Variants in F5 observed in about 807,000 individuals in gnomAD.
F5 encodes coagulation factor V.
F5 carries 138 observed loss-of-function variants against 216.4 expected under a neutral mutation model. That is an observed-to-expected ratio of 0.64 (90% CI 0.56 to 0.73). F5 has a LOEUF of 0.73. Among genes scored for constraint, F5 ranks in the 30% least tolerant of loss-of-function variants. The pLI is 0.00. For synonymous variants in F5, 916 were observed against 930.7 expected, an observed-to-expected ratio of 0.98 and a Z score of 0.29; for missense variants, 2,403 against 2,674.0, an observed-to-expected ratio of 0.90 and a Z score of 2.24.
At chr1:169,565,839 C>T (rs1188551837) in intron 3 of F5, among the ~76,000 whole-genome samples, 1 of 152,078 alleles carries the variant, frequency 6.6e-6, no homozygotes, top group African/African-American at 2.4e-5. Flanking sequence ...TCCCCCAACA[C>T]ACCCCAAAGG....
rs1019185725 is a variant in F5, at chr1:169,527,396, T to C, written c.5599+519A>G. On this transcript the variant is annotated intron_variant, in intron 17 of 24. Transcript: ENST00000367797. Reference sequence around the variant, plus strand: ...TATCTTTATTTTGCACATGAAAAGTTCTAAATACCTTTGTTATTCTTTAAC... The same window carrying C: ...TATCTTTATTTTGCACATGAAAAGTCCTAAATACCTTTGTTATTCTTTAAC... 6.6e-5 allele frequency among the ~76,000 whole-genome samples: 10 copies of C among 152,328 alleles called. No individual in the cohort carries two copies. The South Asian group carries it at 8.3e-4, about 13-fold the overall frequency.
chr1:169,518,552 G>T lies in F5; in HGVS notation c.6205C>A (p.Pro2069Thr), dbSNP rs564167068. 9.3e-6 allele frequency: 15 copies of T among 1,613,748 alleles called. No homozygotes were observed. The African/African-American group carries it at 9.3e-5, about 10-fold the overall frequency. ...QGCEVNGCST[P>T]LGMENGKIEN... ...ATCTTTCCATTTTCCATACCCAGGG[G>T]TGTGGAACATCCTATCAAAAGAAAA... The change falls in exon 23 of 25, where the codon CCC becomes ACC. Residue 2069 changes from proline to threonine, a missense_variant. By Grantham distance (38) the Pro-to-Thr change is conservative (BLOSUM62 -1). Around this residue, in one of 4 missense-constraint regions of F5, gnomAD observed 659 missense variants for 787.9 expected, o/e 0.84. Coordinates refer to ENST00000367797, the MANE Select transcript of F5 (RefSeq NM_000130.5).
rs945375132 is a variant in F5 at position 169,559,002 on chromosome 1, G to A, written c.730+151C>T. ...TTCTAATTTGTCTCTTCTATTTCCTGTTTAAAAAAAAAAAGAGAAAATATT... is the reference window on the plus strand; with the variant it reads ...TTCTAATTTGTCTCTTCTATTTCCTATTTAAAAAAAAAAAGAGAAAATATT... On this transcript the variant is annotated intron_variant, in intron 5 of 24. Coordinates refer to ENST00000367797, the MANE Select transcript of F5 (RefSeq NM_000130.5). 5.4e-4 allele frequency: 402 copies of A among 747,352 alleles called. 2 individuals carry two copies. Among genetic ancestry groups the A allele is most frequent in the Non-Finnish European group, 6.2e-4 (302 of 489,394 alleles). 46.3% of individuals were successfully genotyped at this position (747,352 alleles called of 1,614,324 possible).
chr1:169,556,781 C>T lies in F5; in HGVS notation c.817G>A (p.Gly273Ser), dbSNP rs1328429966. 2.2e-5 allele frequency: 35 copies of T among 1,613,902 alleles called. No homozygotes were observed. Among genetic ancestry groups the T allele is most frequent in the Non-Finnish European group, 3.0e-5 (35 of 1,180,000 alleles). The change falls in exon 6 of 25, where the codon GGC (glycine) becomes AGC (serine). Residue 273 changes from glycine to serine, a missense_variant. By Grantham distance (56) the Gly-to-Ser change is moderately conservative (BLOSUM62 0). This residue lies in a region of F5 where 1,425 missense variants were observed against 1,554.8 expected (regional missense o/e 0.92). Coordinates refer to ENST00000367797, the MANE Select transcript of F5 (RefSeq NM_000130.5). ...GPELFSIHFNGQVLEQNHHKV... is the reference protein window; with the variant it reads ...GPELFSIHFNSQVLEQNHHKV... ...TGATGGTTCTGCTCCAGGACCTGGCCGTTGAAATGAATGGAGAATAATTCT... is the reference window on the plus strand; with the variant it reads ...TGATGGTTCTGCTCCAGGACCTGGCTGTTGAAATGAATGGAGAATAATTCT...
At position 169,530,918 on chromosome 1, in the gene F5, T is replaced by C. The variant is rs1026769670; in HGVS notation, c.5076A>G (p.Glu1692=). Residue 1692 remains glutamate, a synonymous_variant, in exon 15 of 25, where the codon GAA becomes GAG. Coordinates refer to ENST00000367797, the MANE Select transcript of F5 (RefSeq NM_000130.5). ...EGKTYEDDSP[E]WFKEDNAVQP... is the part of the protein sequence containing the mutation. ...GAACAGCATTATCTTCCTTAAACCA[T>C]TCAGGAGAGTCATCTTCATAAGTCT... 8 of 1,613,832 alleles carry C rather than the reference T, an allele frequency of 5.0e-6. No individual in the cohort carries two copies. The highest frequency in any genetic ancestry group is 1.7e-5 in the Admixed American group (1 of 59,972).
chr1:169,572,440 G>A (rs1310896201), intron 2 of F5, 97 bp from the exon 3 acceptor site: 3 of 1,446,232 alleles, frequency 2.1e-6, no homozygotes, highest in Admixed American at 1.7e-5. Flanking sequence ...AAGAGTGATT[G>A]CTACCATTCC....
rs1659091324 is a variant in F5 at position 169,513,851 on chromosome 1, C to T, written c.*462G>A. 6.6e-6 allele frequency among the ~76,000 whole-genome samples: 1 copy of T among 151,996 alleles called. No individual in the cohort carries two copies. The highest frequency in any genetic ancestry group is 1.5e-5 in the Non-Finnish European group (1 of 67,986). On this transcript the variant is annotated 3_prime_UTR_variant, in exon 25 of 25. Transcript: ENST00000367797. ...TGGGAAAGACAGGATATTTTAAGTA[C>T]TTATTTCATTTGATAATATTGTTTT... is the stretch of plus-strand genomic sequence containing the variant.
chr1:169,568,902 CTT>C (rs1420526832), intron 3 of F5, among the ~76,000 whole-genome samples: 1 of 152,076 alleles, frequency 6.6e-6, no homozygotes, highest in Non-Finnish European at 1.5e-5. Context: ...GTGAACAACT[CTT>C]TTCCTCTCCT....
intron 10 of F5, among the ~76,000 whole-genome samples, chr1:169,548,916 C>T (rs933569302): frequency 7.3e-5 from 11 of 151,430 alleles, no homozygotes; most frequent in Non-Finnish European, 1.5e-4. Context: ...AATCTCATTT[C>T]GCTATGGCAG....
Position 169,530,925 on chromosome 1 carries a change from G to C in F5, c.5069C>G (p.Ser1690Cys). 6 of 1,613,710 alleles carry C rather than the reference G, an allele frequency of 3.7e-6. 1 individual carries two copies. The South Asian group carries it at 5.5e-5, about 15-fold the overall frequency. The change falls in exon 15 of 25, where the codon TCT becomes TGT. Residue 1690 changes from serine (S) to cysteine (C), a missense_variant. Physicochemically the swap from Ser to Cys is moderately radical, Grantham distance 112 (BLOSUM62 -1). Coordinates refer to ENST00000367797, the MANE Select transcript of F5 (RefSeq NM_000130.5). ...SSEGKTYEDD[S>C]PEWFKEDNAV... Reference sequence around the variant, plus strand: ...ATTATCTTCCTTAAACCATTCAGGAGAGTCATCTTCATAAGTCTTTCCCTC... The same window carrying C: ...ATTATCTTCCTTAAACCATTCAGGACAGTCATCTTCATAAGTCTTTCCCTC...
rs770031746 is a variant in F5, at chr1:169,513,084, T to C, written c.*1229A>G. 2.6e-5 allele frequency among the ~76,000 whole-genome samples: 4 copies of C among 152,052 alleles called. No individual in the cohort carries two copies. The highest frequency in any genetic ancestry group is 4.8e-5 in the African/African-American group (2 of 41,400). Reference sequence around the variant, plus strand: ...ATGTAGTTGTGTGGTTTCGAGTGAGTTTCTTAGTCCTCAGTTCTAATTTGA... The same window carrying C: ...ATGTAGTTGTGTGGTTTCGAGTGAGCTTCTTAGTCCTCAGTTCTAATTTGA... On this transcript the variant is annotated 3_prime_UTR_variant, in exon 25 of 25. Transcript: ENST00000367797.
chr1:169,515,753 C>A (rs1659142999), intron 23 of F5, 127 bp from the exon 24 acceptor site: 3 of 894,972 alleles, frequency 3.4e-6, no homozygotes, highest in Non-Finnish European at 5.3e-6. Context: ...TTAGGATTCA[C>A]AGTCTCCTAG....
chr1:169,532,399 T>TA (rs1659611021), intron 14 of F5, among the ~76,000 whole-genome samples: 1 of 152,058 alleles, frequency 6.6e-6, no homozygotes, highest in South Asian at 2.1e-4. Context: ...GAAAAGAAGT[T>TA]AAAGTATCTC....
Position 169,529,786 on chromosome 1 carries a change from G to C in F5, c.5241C>G (p.Pro1747=). 1.2e-6 allele frequency: 2 copies of C among 1,613,538 alleles called. No homozygotes were observed. The highest frequency in any genetic ancestry group is 1.7e-6 in the Non-Finnish European group (2 of 1,179,646). ...EKDIHSGLIG[P]LLICQKGILH... ...GTATTCCTTTTTGGCAGATTAGGAG[G>C]GGACCTATCAAGCCTGAGTGAATAT... The change falls in exon 16 of 25, where the codon CCC becomes CCG. Residue 1747 remains proline, a synonymous_variant. Transcript: ENST00000367797.
Position 169,529,703 on chromosome 1 carries a change from G to C in F5, c.5324C>G (p.Thr1775Ser). 6.2e-7 allele frequency: 1 copy of C among 1,613,762 alleles called. No homozygotes were observed. Among genetic ancestry groups the C allele is most frequent in the Non-Finnish European group, 8.5e-7 (1 of 1,179,782 alleles). Residue 1775 changes from threonine (T) to serine (S), a missense_variant, in exon 16 of 25, where the codon ACC becomes AGC. Thr to Ser is a moderately conservative substitution (Grantham distance 58). This residue lies in a region of F5 where 659 missense variants were observed against 787.9 expected (regional missense o/e 0.84). Coordinates refer to ENST00000367797, the MANE Select transcript of F5 (RefSeq NM_000130.5). The stretch of plus-strand genomic sequence containing the variant: ...GTACCAGCTCTTCTTTTCATCAAAG[G>C]TCATAAATAGTAAGACAAATTCTCT... ...DMREFVLLFM[T>S]FDEKKSWYYE...
intron 2 of F5, among the ~76,000 whole-genome samples, chr1:169,573,454 C>T (rs998545652): frequency 6.6e-6 from 1 of 152,092 alleles, no homozygotes; most frequent in African/African-American, 2.4e-5. Context: ...GCACATGTAG[C>T]AGAACGTGAT....
intron 18 of F5, among the ~76,000 whole-genome samples, 153 bp from the exon 19 acceptor site, chr1:169,525,061 A>G (rs886296851): frequency 1.3e-5 from 2 of 152,216 alleles, no homozygotes; most frequent in Non-Finnish European, 2.9e-5. Context: ...TGATTATAAA[A>G]TGGTAAATGC....
intron 3 of F5, among the ~76,000 whole-genome samples, chr1:169,568,890 T>C (rs1470950098): frequency 6.6e-6 from 1 of 152,114 alleles, no homozygotes; most frequent in Non-Finnish European, 1.5e-5. Context: ...TTACTTATTT[T>C]TGTGAACAAC....
intron 21 of F5, 103 bp from the exon 22 acceptor site, chr1:169,520,767 G>T: frequency 1.1e-6 from 1 of 950,570 alleles, no homozygotes; most frequent in Non-Finnish European, 1.6e-6. Context: ...CATTTTCATG[G>T]GGTCCAAACT....
Sources: allele counts gnomAD v4.1 joint callset (sites outside exome capture counted in the v4.1 genomes callset), GRCh38; gene constraint gnomAD v4.1.1; regional missense constraint gnomAD v4.1.1; transcripts MANE v1.5; gene names NCBI Gene and HGNC (gene_info 2026-07-23, HGNC 2026-07-21).